Variants in WNT1 observed in about 807,000 individuals in gnomAD.
WNT1 encodes the protein proto-oncogene Wnt-1.
Under a neutral mutation model 21.3 loss-of-function variants are expected in WNT1, and 10 were observed. The ratio of observed to expected loss-of-function variants is 0.47; its 90% CI spans 0.29 to 0.80. The LOEUF (loss-of-function observed/expected upper bound fraction) is 0.80. Among genes scored for constraint, WNT1 ranks in the 30% least tolerant of loss-of-function variants. WNT1 has a pLI of 0.09. For missense variants in WNT1, 476 were observed against 534.1 expected (o/e 0.89, Z 1.07); for synonymous variants, 208 against 236.3 (o/e 0.88, Z 1.10).
chr12:48,978,839 C>G lies in WNT1; in HGVS notation c.104+85C>G. The G allele has an allele frequency of 1.0e-6, 1 of 953,386 alleles. No individual in the cohort carries two copies. Among genetic ancestry groups the G allele is most frequent in the Admixed American group, 2.8e-5 (1 of 36,074 alleles). The allele number at this position is 953,386 out of a possible 1,614,324, so 59.1% of individuals were successfully genotyped here. On this transcript the variant is annotated intron_variant, in intron 1 of 3. Transcript: ENST00000293549. The surrounding 1 kb of genome is among the most constrained non-coding windows in gnomAD (Gnocchi z 7.4). The stretch of plus-strand genomic sequence containing the variant: ...TACCCAGCTCCCACGCTCTGGGATC[C>G]GTCTGCCGACAGGCTCCCTCCCCGC...
At position 48,978,328 on chromosome 12, in the gene WNT1, G is replaced by C. The variant is rs1228122497; in HGVS notation, c.-323G>C. ...ACCCGTCAGCTCTCGGCTCAGACGGGCGGGAACCACAGCCCCGCTCGCTGC... is the reference window on the plus strand; with the variant it reads ...ACCCGTCAGCTCTCGGCTCAGACGGCCGGGAACCACAGCCCCGCTCGCTGC... On this transcript the variant is annotated 5_prime_UTR_variant, in exon 1 of 4. Coordinates refer to ENST00000293549, the MANE Select transcript of WNT1 (RefSeq NM_005430.4). The surrounding 1 kb of genome is among the most constrained non-coding windows in gnomAD (Gnocchi z 7.4). The C allele has an allele frequency of 5.5e-6, 2 of 365,276 alleles. No homozygotes were observed. The highest frequency in any genetic ancestry group is 2.2e-5 in the African/African-American group (1 of 45,320). The allele number at this position is 365,276 out of a possible 1,614,324, so 22.6% of individuals were successfully genotyped here. A position where few individuals can be genotyped will look rare whatever the true frequency, so the allele number is the denominator to read the frequency against.
Position 48,979,491 on chromosome 12 carries a change from C to T in WNT1, c.128C>T (p.Ser43Phe). 1 of 1,612,168 alleles carries T rather than the reference C, an allele frequency of 6.2e-7. No homozygotes were observed. The highest frequency in any genetic ancestry group is 8.5e-7 in the Non-Finnish European group (1 of 1,178,690). ...AGGGGTATTGTGAACGTAGCCTCCT[C>T]CACGAACCTGCTTACAGACTCCAAG... is the stretch of plus-strand genomic sequence containing the variant. ...RWWGIVNVAS[S>F]TNLLTDSKSL... Residue 43 changes from serine to phenylalanine, a missense_variant, in exon 2 of 4, where the codon TCC (serine) becomes TTC (phenylalanine). By Grantham distance (155) the Ser-to-Phe change is radical. Transcript: ENST00000293549. This position sits in a 1 kb window ranked among gnomAD's most constrained non-coding sequence, Gnocchi z 6.0.
chr12:48,978,522 C>T lies in WNT1; in HGVS notation c.-129C>T. 1 of 699,170 alleles carries T rather than the reference C, an allele frequency of 1.4e-6. No homozygotes were observed. Among genetic ancestry groups the T allele is most frequent in the East Asian group, 2.9e-5 (1 of 35,054 alleles). 43.3% of individuals were successfully genotyped at this position (699,170 alleles called of 1,614,324 possible). ...GCGAGCCATGCTGTCCGCCGCCCGC[C>T]CCCAGGGTTGTTAAAGCCAGACTGC... On this transcript the variant is annotated 5_prime_UTR_variant, in exon 1 of 4. Transcript: ENST00000293549. This position sits in a 1 kb window ranked among gnomAD's most constrained non-coding sequence, Gnocchi z 7.4.
Position 48,981,716 on chromosome 12 carries a change from C to G in WNT1, c.*76C>G. 7.1e-7 allele frequency: 1 copy of G among 1,401,396 alleles called. No individual in the cohort carries two copies. Among genetic ancestry groups the G allele is most frequent in the Non-Finnish European group, 9.2e-7 (1 of 1,083,492 alleles). 86.8% of individuals were successfully genotyped at this position (1,401,396 alleles called of 1,614,324 possible). On this transcript the variant is annotated 3_prime_UTR_variant, in exon 4 of 4. Coordinates refer to ENST00000293549, the MANE Select transcript of WNT1 (RefSeq NM_005430.4). This position sits in a 1 kb window ranked among gnomAD's most constrained non-coding sequence, Gnocchi z 7.4. ...AACAGACTCGCTAGCACTCAAGACC[C>G]GGTTATTCGCCCACCCGAGTACCTC...
rs1206495771 is a variant in WNT1, at chr12:48,980,643, A to T, written c.578A>T (p.Asp193Val). ...EFVDSGEKGR[D>V]LRFLMNLHNN... ...GTGGACTCCGGGGAGAAGGGGCGGG[A>T]CCTGCGCTTCCTCATGAACCTTCAC... The change falls in exon 3 of 4, where the codon GAC becomes GTC. Residue 193 changes from aspartate (D) to valine (V), a missense_variant. By Grantham distance (152) the Asp-to-Val change is radical. Transcript: ENST00000293549. This position sits in a 1 kb window ranked among gnomAD's most constrained non-coding sequence, Gnocchi z 7.0. 6.3e-7 allele frequency: 1 copy of T among 1,588,652 alleles called. No individual in the cohort carries two copies. Among genetic ancestry groups the T allele is most frequent in the Admixed American group, 1.8e-5 (1 of 56,012 alleles).
chr12:48,979,857 GC>G lies in WNT1; in HGVS notation c.358+139del. 1 of 1,295,976 alleles carries G rather than the reference GC, an allele frequency of 7.7e-7. No individual in the cohort carries two copies. Among genetic ancestry groups the G allele is most frequent in the Non-Finnish European group, 1.0e-6 (1 of 977,550 alleles). 80.3% of individuals were successfully genotyped at this position (1,295,976 alleles called of 1,614,324 possible). A position where few individuals can be genotyped will look rare whatever the true frequency, so the allele number is the denominator to read the frequency against. Reference sequence around the variant, plus strand: ...CAATCAACCTTGCCAAGTGCCTCGTGCCCAGCGCCAGCTCGGGGCCAGACTT... The same window carrying G: ...CAATCAACCTTGCCAAGTGCCTCGTGCCAGCGCCAGCTCGGGGCCAGACTT... On this transcript the variant is annotated intron_variant, in intron 2 of 3. Coordinates refer to ENST00000293549, the MANE Select transcript of WNT1 (RefSeq NM_005430.4). The surrounding 1 kb of genome is among the most constrained non-coding windows in gnomAD (Gnocchi z 6.0).
chr12:48,981,484 G>A lies in WNT1; in HGVS notation c.957G>A (p.Ser319=). 6 of 1,552,740 alleles carry A rather than the reference G, an allele frequency of 3.9e-6. No homozygotes were observed. The highest frequency in any genetic ancestry group is 5.2e-6 in the Non-Finnish European group (6 of 1,148,464). The change falls in exon 4 of 4, where the codon TCG becomes TCA. Residue 319 remains serine, a synonymous_variant. Transcript: ENST00000293549. This position sits in a 1 kb window ranked among gnomAD's most constrained non-coding sequence, Gnocchi z 7.4. ...GTAGRACNSS[S]PALDGCELLC... ...CAGGGCGCGCCTGTAACAGCTCGTC[G>A]CCCGCGCTGGACGGCTGCGAGCTGC... is the stretch of plus-strand genomic sequence containing the variant.
Position 48,979,469 on chromosome 12 carries a change from G to T in WNT1, c.106G>T (p.Gly36Cys). ...CTGAGCTATCATACGTCCCACCAGG[G>T]GTATTGTGAACGTAGCCTCCTCCAC... ...LAANSSGRWW[G>C]IVNVASSTNL... The change falls in exon 2 of 4, where the codon GGT becomes TGT. Residue 36 changes from glycine to cysteine, a missense_variant and splice_region_variant. Physicochemically the swap from Gly to Cys is radical, Grantham distance 159 (BLOSUM62 -3). Transcript: ENST00000293549. The surrounding 1 kb of genome is among the most constrained non-coding windows in gnomAD (Gnocchi z 6.0). 1 of 1,607,984 alleles carries T rather than the reference G, an allele frequency of 6.2e-7. No individual in the cohort carries two copies.
Position 48,981,373 on chromosome 12 carries a change from A to G in WNT1, c.846A>G (p.Lys282=), listed in dbSNP as rs769276378. 11 of 1,573,332 alleles carry G rather than the reference A, an allele frequency of 7.0e-6. No homozygotes were observed. The African/African-American group carries it at 8.2e-5, about 12-fold the overall frequency. ...LRLEPEDPAH[K]PPSPHDLVYF... is the part of the protein sequence containing the mutation. Reference sequence around the variant, plus strand: ...TGGAGCCGGAAGACCCGGCCCACAAACCGCCCTCCCCCCACGACCTCGTCT... The same window carrying G: ...TGGAGCCGGAAGACCCGGCCCACAAGCCGCCCTCCCCCCACGACCTCGTCT... Residue 282 remains lysine (K), a synonymous_variant, in exon 4 of 4, where the codon AAA becomes AAG. Coordinates refer to ENST00000293549, the MANE Select transcript of WNT1 (RefSeq NM_005430.4). This position sits in a 1 kb window ranked among gnomAD's most constrained non-coding sequence, Gnocchi z 7.4.
In WNT1 at chr12:48,978,862, C is replaced by A. The variant is rs376651880; in HGVS notation, c.104+108C>A. The A allele has an allele frequency of 4.9e-5, 37 of 753,958 alleles. 1 individual carries two copies. Among genetic ancestry groups the A allele is most frequent in the East Asian group, 2.9e-4 (10 of 35,048 alleles). 46.7% of individuals were successfully genotyped at this position (753,958 alleles called of 1,614,324 possible). ...TCCGTCTGCCGACAGGCTCCCTCCC[C>A]GCTCTGACTTCCCTCCGCGACACCG... On this transcript the variant is annotated intron_variant, in intron 1 of 3. Coordinates refer to ENST00000293549, the MANE Select transcript of WNT1 (RefSeq NM_005430.4). This position sits in a 1 kb window ranked among gnomAD's most constrained non-coding sequence, Gnocchi z 7.4.
In WNT1 at chr12:48,981,478, C is replaced by T; in HGVS notation, c.951C>T (p.Ser317=). 3 of 1,554,422 alleles carry T rather than the reference C, an allele frequency of 1.9e-6. No individual in the cohort carries two copies. Among genetic ancestry groups the T allele is most frequent in the Non-Finnish European group, 1.7e-6 (2 of 1,149,302 alleles). Residue 317 remains serine, a synonymous_variant, in exon 4 of 4, where the codon AGC becomes AGT. Coordinates refer to ENST00000293549, the MANE Select transcript of WNT1 (RefSeq NM_005430.4). This position sits in a 1 kb window ranked among gnomAD's most constrained non-coding sequence, Gnocchi z 7.4. ...GCACGGCAGGGCGCGCCTGTAACAG[C>T]TCGTCGCCCGCGCTGGACGGCTGCG... ...TAGTAGRACN[S]SSPALDGCEL...
chr12:48,980,319 T>C lies in WNT1; in HGVS notation c.359-105T>C. On this transcript the variant is annotated intron_variant, in intron 2 of 3. Coordinates refer to ENST00000293549, the MANE Select transcript of WNT1 (RefSeq NM_005430.4). This position sits in a 1 kb window ranked among gnomAD's most constrained non-coding sequence, Gnocchi z 7.0. ...CACTGCCGGCCCTGGCTCTCAGGAC[T>C]CAAAGTGCGGAGTCGGGGGTGGGAT... 1 of 1,347,872 alleles carries C rather than the reference T, an allele frequency of 7.4e-7. No homozygotes were observed. Among genetic ancestry groups the C allele is most frequent in the Non-Finnish European group, 1.0e-6 (1 of 968,370 alleles). The allele number at this position is 1,347,872 out of a possible 1,614,324, so 83.5% of individuals were successfully genotyped here.
Position 48,982,107 on chromosome 12 carries a change from G to C in WNT1, c.*467G>C, listed in dbSNP as rs1163918558. On this transcript the variant is annotated 3_prime_UTR_variant, in exon 4 of 4. Transcript: ENST00000293549. ...GGGTGCAGACCCTGAACCCACACCTGGGCATCAGGGCCTTTCTCCTCCCCA... is the reference window on the plus strand; with the variant it reads ...GGGTGCAGACCCTGAACCCACACCTCGGCATCAGGGCCTTTCTCCTCCCCA... 6.6e-6 allele frequency among the ~76,000 whole-genome samples: 1 copy of C among 152,124 alleles called. No homozygotes were observed. Among genetic ancestry groups the C allele is most frequent in the Non-Finnish European group, 1.5e-5 (1 of 68,012 alleles).
rs568902128 is a variant in WNT1 at position 48,979,285 on chromosome 12, C to G, written c.105-183C>G. 9.2e-5 allele frequency among the ~76,000 whole-genome samples: 14 copies of G among 152,364 alleles called. No individual in the cohort carries two copies. Among genetic ancestry groups the G allele is most frequent in the Admixed American group, 1.3e-4 (2 of 15,314 alleles). On this transcript the variant is annotated intron_variant, in intron 1 of 3. Transcript: ENST00000293549. This position sits in a 1 kb window ranked among gnomAD's most constrained non-coding sequence, Gnocchi z 6.0. ...GCTCAGGCGAGCAGCCCTGGGACTA[C>G]TGGGCACACACAAGTCTGGACGCCC... is the stretch of plus-strand genomic sequence containing the variant.
rs540489736 is a variant in WNT1 at position 48,981,182 on chromosome 12, A to T, written c.655A>T (p.Lys219Ter). ...TVFSEMRQECKCHGMSGSCTV... is the reference protein window; with the variant it reads ...TVFSEMRQEC The stretch of plus-strand genomic sequence containing the variant: ...ATTCTCCGAGATGCGCCAGGAGTGC[A>T]AGTGCCACGGGATGTCCGGCTCATG... The change falls in exon 4 of 4, where the codon AAG becomes TAG. Residue 219 changes from lysine (K) to a stop codon, truncating the protein, a stop_gained. Transcript: ENST00000293549. LOFTEE classifies it low-confidence loss of function (END_TRUNC). This position sits in a 1 kb window ranked among gnomAD's most constrained non-coding sequence, Gnocchi z 7.4. 1 of 1,612,220 alleles carries T rather than the reference A, an allele frequency of 6.2e-7. No homozygotes were observed. Among genetic ancestry groups the T allele is most frequent in the South Asian group, 1.1e-5 (1 of 91,060 alleles).
rs990969395 is a variant in WNT1 at position 48,980,986 on chromosome 12, G to C, written c.625-166G>C. The stretch of plus-strand genomic sequence containing the variant: ...CCGCGGCGGAGCAGGGTTGGGCAGG[G>C]TTTCCAAATCTCAGCGGAACATTTC... On this transcript the variant is annotated intron_variant, in intron 3 of 3. Coordinates refer to ENST00000293549, the MANE Select transcript of WNT1 (RefSeq NM_005430.4). This position sits in a 1 kb window ranked among gnomAD's most constrained non-coding sequence, Gnocchi z 7.0. 6.6e-6 allele frequency among the ~76,000 whole-genome samples: 1 copy of C among 152,292 alleles called. No homozygotes were observed.
rs779430083 is a variant in WNT1, at chr12:48,978,791, G to A, written c.104+37G>A. The A allele has an allele frequency of 1.3e-5, 19 of 1,463,852 alleles. 1 individual carries two copies. In the South Asian group the frequency reaches 1.9e-4, roughly 15 times the overall value. The allele number at this position is 1,463,852 out of a possible 1,614,324, so 90.7% of individuals were successfully genotyped here. A position where few individuals can be genotyped will look rare whatever the true frequency, so the allele number is the denominator to read the frequency against. ...GGTGCGGGGTCGCCACTTGTCCCGC[G>A]GCACAGAGCCAGGGGCCAACCCTAC... On this transcript the variant is annotated intron_variant, in intron 1 of 3. Coordinates refer to ENST00000293549, the MANE Select transcript of WNT1 (RefSeq NM_005430.4). The surrounding 1 kb of genome is among the most constrained non-coding windows in gnomAD (Gnocchi z 7.4).
Position 48,978,403 on chromosome 12 carries a change from G to A in WNT1, c.-248G>A, listed in dbSNP as rs1940963286. ...GCGCCCTGGTGCCACAGTGCGGCCC[G>A]GAGGGGCAGCCTCCTCCCGTCACTT... On this transcript the variant is annotated 5_prime_UTR_variant, in exon 1 of 4. Coordinates refer to ENST00000293549, the MANE Select transcript of WNT1 (RefSeq NM_005430.4). The surrounding 1 kb of genome is among the most constrained non-coding windows in gnomAD (Gnocchi z 7.4). 1 of 551,164 alleles carries A rather than the reference G, an allele frequency of 1.8e-6. No individual in the cohort carries two copies. The highest frequency in any genetic ancestry group is 3.2e-6 in the Non-Finnish European group (1 of 310,946). The allele number at this position is 551,164 out of a possible 1,614,324, so 34.1% of individuals were successfully genotyped here.
rs1010065595 is a variant in WNT1, at chr12:48,978,716, G to GC, written c.69dup (p.Ala24ArgfsTer131). 6.2e-7 allele frequency: 1 copy of GC among 1,603,728 alleles called. No individual in the cohort carries two copies. The highest frequency in any genetic ancestry group is 8.5e-7 in the Non-Finnish European group (1 of 1,178,504). On this transcript the variant is annotated frameshift_variant, in exon 1 of 4. Transcript: ENST00000293549. LOFTEE classifies it high-confidence loss of function. The surrounding 1 kb of genome is among the most constrained non-coding windows in gnomAD (Gnocchi z 7.4). ...CGCTGCTGCTGGCGCTGGCCGCTCTGCCCGCAGCCCTGGCTGCCAACAGCA... is the reference window on the plus strand; with the variant it reads ...CGCTGCTGCTGGCGCTGGCCGCTCTGCCCCGCAGCCCTGGCTGCCAACAGCA...
Sources: gnomAD v4.1 joint callset for allele counts (sites outside exome capture counted in the v4.1 genomes callset) on GRCh38, gnomAD v4.1.1 for gene constraint, Gnocchi (gnomAD v3.1) non-coding constraint, MANE v1.5 for transcripts, NCBI Gene and HGNC (gene_info 2026-07-23, HGNC 2026-07-21) for gene names.